Variants in ANKFY1 observed in about 807,000 individuals in gnomAD.
The protein encoded by ANKFY1 is ankyrin repeat and FYVE domain-containing protein 1.
A neutral mutation model predicts 128.3 loss-of-function variants in ANKFY1; 47 were observed. The observed-to-expected ratio is 0.37, with a 90% CI of 0.29 to 0.47. The LOEUF is 0.47. Ranked by LOEUF, ANKFY1 falls within the 20% of genes least tolerant of loss-of-function variation. ANKFY1 has a pLI of 1.00. For synonymous variants in ANKFY1, 553 were observed against 601.6 expected (o/e 0.92, Z 1.18); for missense variants, 1,222 against 1,510.6 (o/e 0.81, Z 3.17).
rs559676691 is a variant in ANKFY1 at position 4,178,699 on chromosome 17, G to A, written c.2598+158C>T. On this transcript the variant is annotated intron_variant, in intron 18 of 24. Transcript: ENST00000341657. The surrounding 1 kb of genome is among the most constrained non-coding windows in gnomAD (Gnocchi z 4.1). ...AGAGGAGCCGGATCTCATCCTGCAC[G>A]GATGGGACATCTCAACAGCCACATC... 65 of 726,288 alleles carry A rather than the reference G, an allele frequency of 8.9e-5. 1 individual carries two copies. In the South Asian group the frequency reaches 1.0e-3, roughly 11 times the overall value. The allele number at this position is 726,288 out of a possible 1,614,324, so 45.0% of individuals were successfully genotyped here. A position where few individuals can be genotyped will look rare whatever the true frequency, so the allele number is the denominator to read the frequency against.
intron 1 of ANKFY1, among the ~76,000 whole-genome samples, chr17:4,254,438 T>C (rs1968011496): frequency 6.7e-6 from 1 of 148,806 alleles, no homozygotes; most frequent in Non-Finnish European, 1.5e-5. Context: ...ATGCAGCCAA[T>C]AGCCAAGGAA....
At chr17:4,203,841 AAAAGAAAG>A (rs1190864947) in intron 7 of ANKFY1, among the ~76,000 whole-genome samples, 1 of 136,110 alleles carries the variant, frequency 7.3e-6, no homozygotes, top group Admixed American at 7.7e-5. Context: ...AAAAAAAAAA[AAAAGAAAG>A]AAAGAAAGAA....
chr17:4,179,414 T>TGGGACCTTTTCCCA, intron 17 of ANKFY1: 2 of 517,096 alleles, frequency 3.9e-6, no homozygotes, highest in Non-Finnish European at 6.9e-6. Context: ...GGTGCTCAAG[T>TGGGACCTTTTCCCA]GAGCTACTGG....
intron 3 of ANKFY1, among the ~76,000 whole-genome samples, chr17:4,232,342 AG>A (rs2060526663): frequency 6.6e-6 from 1 of 152,210 alleles, no homozygotes; most frequent in African/African-American, 2.4e-5. Flanking sequence ...CTGCAAGCCC[AG>A]GTTTAGGCAA....
chr17:4,241,263 CTTCTTCTTCTTCTTT>C lies in ANKFY1; in HGVS notation c.203+978_203+992del, dbSNP rs1403542672. Among the ~76,000 whole-genome samples the C allele has an allele frequency of 1.1e-3, 88 of 83,486 alleles. No individual in the cohort carries two copies. In the South Asian group the frequency reaches 0.016, roughly 15 times the overall value. 54.8% of individuals were successfully genotyped at this position (83,486 alleles called of 152,430 possible). ...TAATAAGTCGCCAGCTGAGCTTCTT[CTTCTTCTTCTTCTTT>C]TTTTTTTTTTTTTTTTTTTGAGATG... On this transcript the variant is annotated intron_variant, in intron 2 of 24. Transcript: ENST00000341657.
chr17:4,178,503 C>T lies in ANKFY1; in HGVS notation c.2598+354G>A. On this transcript the variant is annotated intron_variant, in intron 18 of 24. Coordinates refer to ENST00000341657, the MANE Select transcript of ANKFY1 (RefSeq NM_001330063.2). The surrounding 1 kb of genome is among the most constrained non-coding windows in gnomAD (Gnocchi z 4.1). Reference sequence around the variant, plus strand: ...CTCCTCGGAAACACTCAGGAAGTTGCCCCAACATCACAACACAAGCTCTTT... The same window carrying T: ...CTCCTCGGAAACACTCAGGAAGTTGTCCCAACATCACAACACAAGCTCTTT... The T allele has an allele frequency of 7.6e-6, 2 of 261,722 alleles. No individual in the cohort carries two copies. Among genetic ancestry groups the T allele is most frequent in the Non-Finnish European group, 1.5e-5 (2 of 131,294 alleles). The allele number at this position is 261,722 out of a possible 1,614,324, so 16.2% of individuals were successfully genotyped here.
intron 5 of ANKFY1, 168 bp from the exon 6 acceptor site, chr17:4,208,250 C>T: frequency 1.9e-6 from 1 of 534,042 alleles, no homozygotes; most frequent in Non-Finnish European, 3.1e-6. Context: ...CTTGAACATC[C>T]CCATTTTACA....
intron 1 of ANKFY1, 138 bp downstream of exon 1, chr17:4,263,794 C>T: frequency 6.2e-7 from 1 of 1,600,198 alleles, no homozygotes; most frequent in Non-Finnish European, 8.5e-7. Context: ...TCCGGAGAGG[C>T]TAGACAGGAA....
intron 7 of ANKFY1, among the ~76,000 whole-genome samples, chr17:4,202,400 TAA>T (rs534585731): frequency 3.1e-4 from 23 of 74,390 alleles, no homozygotes; most frequent in Non-Finnish European, 3.7e-4. Flanking sequence ...GACTGTGTCT[TAA>T]AAAAAAAAAA....
rs947393415 is a variant in ANKFY1 at position 4,181,482 on chromosome 17, G to A, written c.2122-110C>T. 9 of 719,806 alleles carry A rather than the reference G, an allele frequency of 1.3e-5. No individual in the cohort carries two copies. The highest frequency in any genetic ancestry group is 8.8e-5 in the African/African-American group (5 of 56,722). 44.6% of individuals were successfully genotyped at this position (719,806 alleles called of 1,614,324 possible). A position where few individuals can be genotyped will look rare whatever the true frequency, so the allele number is the denominator to read the frequency against. The stretch of plus-strand genomic sequence containing the variant: ...TTAAATCCACTTTCAGATAAGATAC[G>A]GTTGATAATAAATTGATAATTACTT... On this transcript the variant is annotated intron_variant, in intron 15 of 24. Coordinates refer to ENST00000341657, the MANE Select transcript of ANKFY1 (RefSeq NM_001330063.2). This position sits in a 1 kb window ranked among gnomAD's most constrained non-coding sequence, Gnocchi z 4.9.
chr17:4,210,750 ATG>A (rs2060114683), intron 4 of ANKFY1, among the ~76,000 whole-genome samples: 1 of 140,532 alleles, frequency 7.1e-6, no homozygotes, highest in South Asian at 2.5e-4. Flanking sequence ...TATAAGATGA[ATG>A]TGTATGATAT....
intron 4 of ANKFY1, among the ~76,000 whole-genome samples, chr17:4,214,290 T>C (rs2143020230): frequency 6.6e-6 from 1 of 152,176 alleles, no homozygotes; most frequent in East Asian, 1.9e-4. Context: ...CTGTCACCAA[T>C]TCTAGGATCT....
At chr17:4,240,936 C>T (rs1212432498) in intron 2 of ANKFY1, among the ~76,000 whole-genome samples, 1 of 152,232 alleles carries the variant, frequency 6.6e-6, no homozygotes. Context: ...ACTGCCCTTA[C>T]TTGTAATACC....
intron 10 of ANKFY1, among the ~76,000 whole-genome samples, chr17:4,192,274 A>G (rs1295025700): frequency 3.6e-5 from 5 of 140,190 alleles, no homozygotes; most frequent in Non-Finnish European, 6.2e-5. Context: ...GTTGATGGTT[A>G]CTCTAATCTG....
Position 4,181,327 on chromosome 17 carries a change from C to T in ANKFY1, c.2167G>A (p.Gly723Arg), listed in dbSNP as rs368484730. The change falls in exon 16 of 25, where the codon GGG becomes AGG. Residue 723 changes from glycine (G) to arginine (R), a missense_variant. By Grantham distance (125) the Gly-to-Arg change is moderately radical (BLOSUM62 -2). Transcript: ENST00000341657. This position sits in a 1 kb window ranked among gnomAD's most constrained non-coding sequence, Gnocchi z 4.9. ...DATCWGPGPG[G>R]CLQTLLHRAI... ...CTGTGCAGGAGCGTCTGAAGGCACC[C>T]ACCAGGTCCCGGACCCCAGCATGTG... 18 of 1,614,076 alleles carry T rather than the reference C, an allele frequency of 1.1e-5. No homozygotes were observed. The highest frequency in any genetic ancestry group is 1.5e-5 in the Non-Finnish European group (18 of 1,180,034).
intron 1 of ANKFY1, among the ~76,000 whole-genome samples, chr17:4,263,440 T>C (rs2143620387): frequency 6.6e-6 from 1 of 152,282 alleles, no homozygotes; most frequent in African/African-American, 2.4e-5. Flanking sequence ...GCCTGAAGCG[T>C]GGGCCAGCTC....
At chr17:4,208,516 A>G (rs530086681) in intron 5 of ANKFY1, among the ~76,000 whole-genome samples, 2 of 152,316 alleles carry the variant, frequency 1.3e-5, no homozygotes, top group Admixed American at 1.3e-4. Context: ...TCCAACTTCC[A>G]CAAACAAGTC....
At chr17:4,189,858 C>A (rs1312738092) in intron 10 of ANKFY1, among the ~76,000 whole-genome samples, 2 of 149,708 alleles carry the variant, frequency 1.3e-5, no homozygotes, top group Non-Finnish European at 2.9e-5. Flanking sequence ...GACACAGAGG[C>A]TAGGGAATGC....
rs2059241140 is a variant in ANKFY1, at chr17:4,167,978, G to A, written c.3378-67C>T. On this transcript the variant is annotated intron_variant, in intron 24 of 24. Transcript: ENST00000341657. This position sits in a 1 kb window ranked among gnomAD's most constrained non-coding sequence, Gnocchi z 4.1. ...ACAGACTCTGCTTCCTGGCACGTGA[G>A]GACAACCGCAGCAGGGCCTGGCAGC... 1 of 1,553,594 alleles carries A rather than the reference G, an allele frequency of 6.4e-7. No individual in the cohort carries two copies. The highest frequency in any genetic ancestry group is 8.7e-7 in the Non-Finnish European group (1 of 1,144,262).
Sources: allele counts gnomAD v4.1 joint callset (sites outside exome capture counted in the v4.1 genomes callset), GRCh38; gene constraint gnomAD v4.1.1; non-coding constraint Gnocchi (gnomAD v3.1); transcripts MANE v1.5; gene names NCBI Gene and HGNC (gene_info 2026-07-23, HGNC 2026-07-21).